The following TRIO variants were observed in gnomAD, a reference collection of about 807,000 sequenced individuals.
The protein encoded by TRIO is triple functional domain protein.
A neutral mutation model predicts 351.9 loss-of-function variants in TRIO; 58 were observed. The observed-to-expected ratio is 0.16, with a 90% CI of 0.13 to 0.21. The LOEUF (loss-of-function observed/expected upper bound fraction) is 0.21, where lower values mean the gene tolerates loss of function less well. TRIO is among the 10% of genes least tolerant of loss of function. The pLI is 1.00. For missense variants in TRIO, 3,201 were observed against 4,027.8 expected (o/e 0.79, Z 5.56); for synonymous variants, 1,758 against 1,595.7 (o/e 1.10, Z -2.42).
intron 9 of TRIO, among the ~76,000 whole-genome samples, chr5:14,328,692 T>C (rs1168387888): frequency 5.3e-5 from 8 of 152,206 alleles, no homozygotes; most frequent in Non-Finnish European, 1.0e-4. Context: ...ATGCTTGACA[T>C]AGAGGTCATC....
At position 14,508,647 on chromosome 5, in the gene TRIO, C is replaced by T. The variant is rs1387554917; in HGVS notation, c.*225C>T. 2 of 487,720 alleles carry T rather than the reference C, an allele frequency of 4.1e-6. No individual in the cohort carries two copies. The highest frequency in any genetic ancestry group is 7.1e-6 in the Non-Finnish European group (2 of 280,114). 30.2% of individuals were successfully genotyped at this position (487,720 alleles called of 1,614,324 possible). Reference sequence around the variant, plus strand: ...TCTGCCCAAGGCAGAGGTCGCATTGCTGTATCACAGTATTTTATTCAGGTT... The same window carrying T: ...TCTGCCCAAGGCAGAGGTCGCATTGTTGTATCACAGTATTTTATTCAGGTT... On this transcript the variant is annotated 3_prime_UTR_variant, in exon 57 of 57. Transcript: ENST00000344204.
intron 4 of TRIO, among the ~76,000 whole-genome samples, chr5:14,289,580 T>C (rs1347493773): frequency 1.3e-5 from 2 of 149,850 alleles, no homozygotes; most frequent in African/African-American, 2.5e-5. Context: ...GTGTGCGATG[T>C]CTCATGCCTG....
chr5:14,221,024 T>G (rs1792584525), intron 1 of TRIO, among the ~76,000 whole-genome samples: 1 of 152,226 alleles, frequency 6.6e-6, no homozygotes, highest in African/African-American at 2.4e-5. Flanking sequence ...GACTTTCTTG[T>G]TGGGGGCTAA....
chr5:14,503,991 G>A (rs966165200), intron 54 of TRIO, among the ~76,000 whole-genome samples: 4 of 152,242 alleles, frequency 2.6e-5, no homozygotes, highest in Admixed American at 6.5e-5. Context: ...CACAGCAGAC[G>A]CACCTTTCAA....
At chr5:14,271,214 C>A (rs548916954) in intron 2 of TRIO, among the ~76,000 whole-genome samples, 110 of 152,290 alleles carry the variant, frequency 7.2e-4, no homozygotes, top group Admixed American at 4.4e-3. Context: ...ATCATTTCAA[C>A]AAAGATGGTG....
At chr5:14,330,939 C>T (rs1740851307) in intron 10 of TRIO, 39 bp downstream of exon 10, 2 of 1,608,484 alleles carry the variant, frequency 1.2e-6, no homozygotes, top group Non-Finnish European at 1.7e-6. Context: ...CCATAAATAC[C>T]CGTGTGGTTG....
intron 33 of TRIO, among the ~76,000 whole-genome samples, chr5:14,417,314 G>A (rs16903496): frequency 0.02 from 3,046 of 152,330 alleles, 87 homozygotes; most frequent in African/African-American, 0.068. Flanking sequence ...CATGGTAGAA[G>A]AGTTTGGTTT....
rs1747682731 is a variant in TRIO at position 14,397,216 on chromosome 5, T to C, written c.4423+62T>C. 1.1e-5 allele frequency: 15 copies of C among 1,355,654 alleles called. No homozygotes were observed. The South Asian group carries it at 1.8e-4, about 17-fold the overall frequency. The allele number at this position is 1,355,654 out of a possible 1,614,324, so 84.0% of individuals were successfully genotyped here. On this transcript the variant is annotated intron_variant, in intron 29 of 56. Transcript: ENST00000344204. Reference sequence around the variant, plus strand: ...AGTTTCTAATGACACTGTTTGTAAATGGATTTCCTGAACCCTAAAAATCCC... The same window carrying C: ...AGTTTCTAATGACACTGTTTGTAAACGGATTTCCTGAACCCTAAAAATCCC...
intron 36 of TRIO, 146 bp downstream of exon 36, chr5:14,463,071 C>T: frequency 8.9e-7 from 1 of 1,124,104 alleles, no homozygotes; most frequent in Non-Finnish European, 1.2e-6. Context: ...CAGGCAGCGT[C>T]AGCCTGGTTG....
At chr5:14,504,323 G>A (rs941378683) in intron 54 of TRIO, 70 bp from the exon 55 acceptor site, 4 of 1,550,370 alleles carry the variant, frequency 2.6e-6, no homozygotes, top group Non-Finnish European at 3.5e-6. Context: ...GTCCATTTAG[G>A]ATAACAGAGT....
intron 6 of TRIO, among the ~76,000 whole-genome samples, chr5:14,295,982 A>G (rs1737326698): frequency 6.6e-6 from 1 of 152,222 alleles, no homozygotes; most frequent in South Asian, 2.1e-4. Flanking sequence ...GATGAATGAA[A>G]GAAGATACAA....
intron 1 of TRIO, among the ~76,000 whole-genome samples, chr5:14,240,911 A>G (rs572819513): frequency 2.0e-5 from 3 of 152,344 alleles, no homozygotes; most frequent in Admixed American, 1.3e-4. Flanking sequence ...TTAATATGGT[A>G]AAAGATTGAA....
At chr5:14,288,435 G>A (rs912302654) in intron 4 of TRIO, among the ~76,000 whole-genome samples, 7 of 152,222 alleles carry the variant, frequency 4.6e-5, no homozygotes, top group Non-Finnish European at 1.0e-4. Context: ...TTGGGAGGCC[G>A]AGGCGGGCGG....
intron 1 of TRIO, 116 bp downstream of exon 1, chr5:14,143,998 G>C (rs1787334184): frequency 1.3e-6 from 1 of 765,542 alleles, no homozygotes; most frequent in Non-Finnish European, 1.6e-6. Flanking sequence ...TCCGTCCGTC[G>C]GGGCCCGCAG....
At chr5:14,394,686 A>G (rs1354010555) in intron 28 of TRIO, among the ~76,000 whole-genome samples, 4 of 152,198 alleles carry the variant, frequency 2.6e-5, no homozygotes, top group Non-Finnish European at 5.9e-5. Context: ...CACCTTGTCC[A>G]TACAGACCGC....
At position 14,487,955 on chromosome 5, in the gene TRIO, A is replaced by T. The variant is rs749567393; in HGVS notation, c.7327A>T (p.Thr2443Ser). Residue 2443 changes from threonine to serine, a missense_variant, in exon 48 of 57, where the codon ACC becomes TCC. Physicochemically the swap from Thr to Ser is moderately conservative, Grantham distance 58. This residue lies in a region of TRIO where 1,089 missense variants were observed against 954.9 expected (regional missense o/e 1.14). Coordinates refer to ENST00000344204, the MANE Select transcript of TRIO (RefSeq NM_007118.4). ...CAAGGACGCGCGCGCTAGCCTGGGC[A>T]CCCTGCCGCTTGGGAAGCCCCGGGC... ...PAKDARASLG[T>S]LPLGKPRAGA... 6.5e-7 allele frequency: 1 copy of T among 1,549,240 alleles called. No individual in the cohort carries two copies. The highest frequency in any genetic ancestry group is 8.7e-7 in the Non-Finnish European group (1 of 1,147,342).
At chr5:14,224,026 T>G (rs1792820870) in intron 1 of TRIO, among the ~76,000 whole-genome samples, 2 of 152,260 alleles carry the variant, frequency 1.3e-5, no homozygotes, top group Non-Finnish European at 2.9e-5. Context: ...AAGTAAATGT[T>G]TTTCAAGCAG....
Position 14,207,318 on chromosome 5 carries a change from TCACACACA to T in TRIO, c.158-63470_158-63463del, listed in dbSNP as rs371912129. On this transcript the variant is annotated intron_variant, in intron 1 of 56. Transcript: ENST00000344204. ...CCAGGTAGCATAGCAAGACTGTCTC[TCACACACA>T]CACACACACACACACACACACACAC... 2.2e-3 allele frequency among the ~76,000 whole-genome samples: 24 copies of T among 11,060 alleles called. 2 individuals are homozygous for T. The highest frequency in any genetic ancestry group is 4.2e-3 in the Admixed American group (4 of 954). 7.3% of individuals were successfully genotyped at this position (11,060 alleles called of 152,430 possible).
chr5:14,411,512 A>T (rs6860252), intron 33 of TRIO, among the ~76,000 whole-genome samples: 9 of 150,562 alleles, frequency 6.0e-5, no homozygotes, highest in African/African-American at 2.3e-4. Flanking sequence ...TGAGAAATTC[A>T]GTTGAGACTG....
Sources: gnomAD v4.1 joint callset for allele counts (sites outside exome capture counted in the v4.1 genomes callset) on GRCh38, gnomAD v4.1.1 for gene constraint, gnomAD v4.1.1 regional missense constraint, MANE v1.5 for transcripts, NCBI Gene and HGNC (gene_info 2026-07-23, HGNC 2026-07-21) for gene names.